Variants in WDR97 observed in about 807,000 individuals in gnomAD.
WDR97 encodes WD repeat domain 97, also known as WD repeat-containing protein 97.
A neutral mutation model predicts 65.4 loss-of-function variants in WDR97; 111 were observed. The observed-to-expected ratio is 1.70, with a 90% CI of 1.45 to 1.99. The LOEUF (loss-of-function observed/expected upper bound fraction) is 1.99. Among genes scored for constraint, WDR97 ranks in the 30% most tolerant of loss-of-function variants. The pLI, the probability that WDR97 is intolerant of heterozygous loss-of-function variation, is 0.00. For synonymous variants in WDR97, 802 were observed against 397.7 expected, an observed-to-expected ratio of 2.02 and a Z score of -12.10; for missense variants, 1,674 against 865.0, an observed-to-expected ratio of 1.94 and a Z score of -11.73.
Position 144,116,609 on chromosome 8 carries a change from G to T in WDR97, c.*316G>T. ...GCAAACGTTTTCTGCTCAAGTACTA[G>T]GTGTTGAGATGCGGGCTGACCTTAG... On this transcript the variant is annotated 3_prime_UTR_variant, in exon 24 of 24. Transcript: ENST00000323662. 3.6e-6 allele frequency: 1 copy of T among 275,438 alleles called. No homozygotes were observed. The highest frequency in any genetic ancestry group is 6.8e-6 in the Non-Finnish European group (1 of 147,864). The allele number at this position is 275,438 out of a possible 1,614,324, so 17.1% of individuals were successfully genotyped here.
Position 144,114,462 on chromosome 8 carries a change from C to T in WDR97, c.3779C>T (p.Pro1260Leu), listed in dbSNP as rs1836610968. Reference sequence around the variant, plus strand: ...GTACACTTGCTCAACCTGGACCAGCCCCCCAGCCTCCAGGTGTGCCCCTTG... The same window carrying T: ...GTACACTTGCTCAACCTGGACCAGCTCCCCAGCCTCCAGGTGTGCCCCTTG... ...LLVHLLNLDQPPSLQDQTQKK... is the reference protein window; with the variant it reads ...LLVHLLNLDQLPSLQDQTQKK... Residue 1260 changes from proline to leucine, a missense_variant, in exon 19 of 24, where the codon CCC becomes CTC. By Grantham distance (98) the Pro-to-Leu change is moderately conservative. Coordinates refer to ENST00000323662, the MANE Select transcript of WDR97 (RefSeq NM_001316309.2). The T allele has an allele frequency of 2.8e-6, 2 of 702,620 alleles. No individual in the cohort carries two copies. The highest frequency in any genetic ancestry group is 2.7e-5 in the East Asian group (1 of 37,270). 43.5% of individuals were successfully genotyped at this position (702,620 alleles called of 1,614,324 possible). A position where few individuals can be genotyped will look rare whatever the true frequency, so the allele number is the denominator to read the frequency against.
At position 144,108,684 on chromosome 8, in the gene WDR97, C is replaced by T. The variant is rs1261580823; in HGVS notation, c.618C>T (p.Pro206=). ...CGCCCACCTGCTGCCTGCCGGTTCCCGACCTCAGGCTGCTGCTCGTTGCGG... is the reference window on the plus strand; with the variant it reads ...CGCCCACCTGCTGCCTGCCGGTTCCTGACCTCAGGCTGCTGCTCGTTGCGG... ...GWAPTCCLPV[P]DLRLLLVAEM... is the part of the protein sequence containing the mutation. The change falls in exon 3 of 24, where the codon CCC becomes CCT. Residue 206 remains proline (P), a synonymous_variant. Coordinates refer to ENST00000323662, the MANE Select transcript of WDR97 (RefSeq NM_001316309.2). 1 of 700,798 alleles carries T rather than the reference C, an allele frequency of 1.4e-6. No homozygotes were observed. Among genetic ancestry groups the T allele is most frequent in the South Asian group, 1.5e-5 (1 of 67,494 alleles). 43.4% of individuals were successfully genotyped at this position (700,798 alleles called of 1,614,324 possible).
At chr8:144,107,981 TGGA>T in intron 1 of WDR97, 75 bp from the exon 2 acceptor site, 1 of 701,328 alleles carries the variant, frequency 1.4e-6, no homozygotes, top group Non-Finnish European at 2.6e-6. Context: ...GCAGGGCCCC[TGGA>T]GGAGGGCTCC....
rs1365912837 is a variant in WDR97, at chr8:144,108,175, C to T, written c.229C>T (p.Leu77Phe). Reference sequence around the variant, plus strand: ...GCTGTGGCTGCTTCTGCGCACCAGCCTCCACGAAGTCGTGGAAAAGGTGCG... The same window carrying T: ...GCTGTGGCTGCTTCTGCGCACCAGCTTCCACGAAGTCGTGGAAAAGGTGCG... ...RRLWLLLRTS[L>F]HEVVEKEKRA... The change falls in exon 2 of 24, where the codon CTC becomes TTC. Residue 77 changes from leucine to phenylalanine, a missense_variant. By Grantham distance (22) the Leu-to-Phe change is conservative (BLOSUM62 0). Transcript: ENST00000323662. The T allele has an allele frequency of 2.8e-6, 2 of 701,958 alleles. No individual in the cohort carries two copies. Among genetic ancestry groups the T allele is most frequent in the Non-Finnish European group, 5.2e-6 (2 of 384,592 alleles). 43.5% of individuals were successfully genotyped at this position (701,958 alleles called of 1,614,324 possible).
rs1423907986 is a variant in WDR97 at position 144,110,043 on chromosome 8, G to A, written c.1700+9G>A. 7.2e-6 allele frequency: 5 copies of A among 696,440 alleles called. No homozygotes were observed. The highest frequency in any genetic ancestry group is 1.7e-5 in the African/African-American group (1 of 57,164). The allele number at this position is 696,440 out of a possible 1,614,324, so 43.1% of individuals were successfully genotyped here. ...TGGAAGAACAAGAACCGGTGGGTGC[G>A]GGAGCCGGCGAGGGTCTGGCGGGCG... is the stretch of plus-strand genomic sequence containing the variant. On this transcript the variant is annotated intron_variant, in intron 5 of 23. Coordinates refer to ENST00000323662, the MANE Select transcript of WDR97 (RefSeq NM_001316309.2).
rs753388001 is a variant in WDR97 at position 144,109,994 on chromosome 8, C to T, written c.1660C>T (p.Arg554Cys). The change falls in exon 5 of 24, where the codon CGC becomes TGC. Residue 554 changes from arginine to cysteine, a missense_variant. Arg to Cys is a radical substitution (Grantham distance 180). Transcript: ENST00000323662. ...EIVRQHWGEL[R>C]CSSVACAWKN... ...CGTGCGCCAGCACTGGGGCGAGTTG[C>T]GCTGCAGCTCTGTGGCCTGCGCCTG... is the stretch of plus-strand genomic sequence containing the variant. The T allele has an allele frequency of 8.6e-6, 6 of 699,986 alleles. No individual in the cohort carries two copies. The highest frequency in any genetic ancestry group is 5.4e-5 in the East Asian group (2 of 37,220). The allele number at this position is 699,986 out of a possible 1,614,324, so 43.4% of individuals were successfully genotyped here. A position where few individuals can be genotyped will look rare whatever the true frequency, so the allele number is the denominator to read the frequency against.
chr8:144,109,265 C>T (rs1651256540), intron 4 of WDR97, 70 bp from the exon 5 acceptor site: 2 of 699,086 alleles, frequency 2.9e-6, no homozygotes, highest in African/African-American at 1.7e-5. Flanking sequence ...GGCCTTGCTG[C>T]GCTGACTGCA....
At position 144,108,448 on chromosome 8, in the gene WDR97, G is replaced by A; in HGVS notation, c.382G>A (p.Ala128Thr). 2 of 699,830 alleles carry A rather than the reference G, an allele frequency of 2.9e-6. No individual in the cohort carries two copies. The highest frequency in any genetic ancestry group is 5.2e-6 in the Non-Finnish European group (2 of 383,818). The allele number at this position is 699,830 out of a possible 1,614,324, so 43.4% of individuals were successfully genotyped here. The change falls in exon 3 of 24, where the codon GCG becomes ACG. Residue 128 changes from alanine (A) to threonine (T), a missense_variant. Transcript: ENST00000323662. ...VGGRFVVLDG[A>T]GRLHLHKEDG... ...TGGACGCTTCGTGGTGCTGGACGGC[G>A]CGGGCCGCCTGCACCTGCACAAGGA...
chr8:144,108,205 G>C lies in WDR97; in HGVS notation c.249+10G>C, dbSNP rs1048282064. ...CGAAGTCGTGGAAAAGGTGCGGTGT[G>C]CCTGTCCTGCGCCTCCTGGCCTCTT... On this transcript the variant is annotated intron_variant, in intron 2 of 23. Coordinates refer to ENST00000323662, the MANE Select transcript of WDR97 (RefSeq NM_001316309.2). 1 of 700,036 alleles carries C rather than the reference G, an allele frequency of 1.4e-6. No homozygotes were observed. The highest frequency in any genetic ancestry group is 2.6e-6 in the Non-Finnish European group (1 of 383,136). 43.4% of individuals were successfully genotyped at this position (700,036 alleles called of 1,614,324 possible). A position where few individuals can be genotyped will look rare whatever the true frequency, so the allele number is the denominator to read the frequency against.
intron 21 of WDR97, 113 bp from the exon 22 acceptor site, chr8:144,115,215 AGCCAGGGTGCTTG>A (rs1836626836): frequency 1.8e-6 from 1 of 566,286 alleles, no homozygotes. Flanking sequence ...ATGCTCGAGG[AGCCAGGGTGCTTG>A]GCCATGGGTC....
At position 144,116,432 on chromosome 8, in the gene WDR97, G is replaced by T. The variant is rs954475105; in HGVS notation, c.*139G>T. On this transcript the variant is annotated 3_prime_UTR_variant, in exon 24 of 24. Transcript: ENST00000323662. ...TGGAGGGCCCCGGGGTGCGCACGGC[G>T]TGTGGGCGTGCGGCCTGAACCCACA... 1.9e-5 allele frequency: 10 copies of T among 539,080 alleles called. No homozygotes were observed. Among genetic ancestry groups the T allele is most frequent in the South Asian group, 1.8e-4 (7 of 37,936 alleles). The allele number at this position is 539,080 out of a possible 1,614,324, so 33.4% of individuals were successfully genotyped here. A position where few individuals can be genotyped will look rare whatever the true frequency, so the allele number is the denominator to read the frequency against.
chr8:144,111,947 G>A lies in WDR97; in HGVS notation c.2698G>A (p.Glu900Lys), dbSNP rs2130081845. ...TGCCGGGACCCTCAGAGTGGAGAGA[G>A]AGACCCGGGATGTGTGTGCTGTACC... ...WSAGTLRVERETRDVCAVPQA... is the reference protein window; with the variant it reads ...WSAGTLRVERKTRDVCAVPQA... Residue 900 changes from glutamate (E) to lysine (K), a missense_variant, in exon 13 of 24, where the codon GAG becomes AAG. Transcript: ENST00000323662. The A allele has an allele frequency of 1.4e-6, 1 of 702,492 alleles. No individual in the cohort carries two copies. Among genetic ancestry groups the A allele is most frequent in the Middle Eastern group, 2.3e-4 (1 of 4,366 alleles). The allele number at this position is 702,492 out of a possible 1,614,324, so 43.5% of individuals were successfully genotyped here. A position where few individuals can be genotyped will look rare whatever the true frequency, so the allele number is the denominator to read the frequency against.
chr8:144,115,869 C>T lies in WDR97; in HGVS notation c.4595+11C>T. On this transcript the variant is annotated intron_variant, in intron 22 of 23. Transcript: ENST00000323662. ...TCCGCGGGAGCACTGGTGCGCGGGGCCTGCGCCGGCGGGGCCTGCGTGGGG... is the reference window on the plus strand; with the variant it reads ...TCCGCGGGAGCACTGGTGCGCGGGGTCTGCGCCGGCGGGGCCTGCGTGGGG... 1 of 695,074 alleles carries T rather than the reference C, an allele frequency of 1.4e-6. No individual in the cohort carries two copies. The highest frequency in any genetic ancestry group is 1.5e-5 in the South Asian group (1 of 67,014). The allele number at this position is 695,074 out of a possible 1,614,324, so 43.1% of individuals were successfully genotyped here. A position where few individuals can be genotyped will look rare whatever the true frequency, so the allele number is the denominator to read the frequency against.
chr8:144,108,956 C>A lies in WDR97; in HGVS notation c.878+12C>A, dbSNP rs1163966891. On this transcript the variant is annotated intron_variant, in intron 3 of 23. Coordinates refer to ENST00000323662, the MANE Select transcript of WDR97 (RefSeq NM_001316309.2). ...GATTTGCACAAAACGTGAGGGGGAT[C>A]CCCCTAGGGAGGGCCAGGCATGTAG... The A allele has an allele frequency of 4.3e-6, 3 of 703,004 alleles. No homozygotes were observed. The highest frequency in any genetic ancestry group is 3.5e-5 in the African/African-American group (2 of 57,392). 43.5% of individuals were successfully genotyped at this position (703,004 alleles called of 1,614,324 possible).
Position 144,111,822 on chromosome 8 carries a change from C to T in WDR97, c.2637+41C>T, listed in dbSNP as rs375876451. 21 of 695,482 alleles carry T rather than the reference C, an allele frequency of 3.0e-5. No homozygotes were observed. The African/African-American group carries it at 3.5e-4, about 12-fold the overall frequency. 43.1% of individuals were successfully genotyped at this position (695,482 alleles called of 1,614,324 possible). ...CCCCCAGCCCAGCCCTGACCCTGGC[C>T]CCTCTTCTCCACCCACCCCTCCCAC... is the stretch of plus-strand genomic sequence containing the variant. On this transcript the variant is annotated intron_variant, in intron 12 of 23. Transcript: ENST00000323662.
In WDR97 at chr8:144,110,855, C is replaced by T. The variant is rs767825559; in HGVS notation, c.2172-9C>T. ...TGCTGAGCCTCGGCTGCCCTGGGTG[C>T]CTCTCCAGGCTCCTGCAGCTGAATG... On this transcript the variant is annotated splice_polypyrimidine_tract_variant and intron_variant, in intron 8 of 23. Coordinates refer to ENST00000323662, the MANE Select transcript of WDR97 (RefSeq NM_001316309.2). 15 of 702,798 alleles carry T rather than the reference C, an allele frequency of 2.1e-5. No individual in the cohort carries two copies. Among genetic ancestry groups the T allele is most frequent in the Non-Finnish European group, 3.4e-5 (13 of 384,914 alleles). 43.5% of individuals were successfully genotyped at this position (702,798 alleles called of 1,614,324 possible).
Position 144,109,857 on chromosome 8 carries a change from T to C in WDR97, c.1523T>C (p.Met508Thr). The change falls in exon 5 of 24, where the codon ATG becomes ACG. Residue 508 changes from methionine to threonine, a missense_variant. Transcript: ENST00000323662. Reference protein sequence around the residue: ...LVRANAARCPMSVLHRVCPPP... With the variant: ...LVRANAARCPTSVLHRVCPPP... ...CGCGCCAACGCGGCGCGCTGCCCCA[T>C]GAGCGTGCTGCACCGCGTGTGCCCG... 3 of 698,214 alleles carry C rather than the reference T, an allele frequency of 4.3e-6. No homozygotes were observed. Among genetic ancestry groups the C allele is most frequent in the Non-Finnish European group, 7.8e-6 (3 of 382,594 alleles). The allele number at this position is 698,214 out of a possible 1,614,324, so 43.3% of individuals were successfully genotyped here.
In WDR97 at chr8:144,115,959, C is replaced by T. The variant is rs1378022867; in HGVS notation, c.4612C>T (p.Arg1538Trp). ...TGCCTCCAGGTACCACCCCATCCTC[C>T]GGCTGCAGGAGGCCAAGCCGCAGAG... The part of the protein sequence containing the change: ...PREHWYHPIL[R>W]LQEAKPQRSA... The change falls in exon 23 of 24, where the codon CGG becomes TGG. Residue 1538 changes from arginine to tryptophan, a missense_variant. Coordinates refer to ENST00000323662, the MANE Select transcript of WDR97 (RefSeq NM_001316309.2). 13 of 701,110 alleles carry T rather than the reference C, an allele frequency of 1.9e-5. No homozygotes were observed. The African/African-American group carries it at 1.9e-4, about 10-fold the overall frequency. 43.4% of individuals were successfully genotyped at this position (701,110 alleles called of 1,614,324 possible).
At position 144,114,936 on chromosome 8, in the gene WDR97, GC is replaced by G. The variant is rs777048133; in HGVS notation, c.4077+27del. 7.5e-6 allele frequency: 5 copies of G among 668,134 alleles called. No individual in the cohort carries two copies. The South Asian group carries it at 8.0e-5, about 11-fold the overall frequency. 41.4% of individuals were successfully genotyped at this position (668,134 alleles called of 1,614,324 possible). A position where few individuals can be genotyped will look rare whatever the true frequency, so the allele number is the denominator to read the frequency against. On this transcript the variant is annotated intron_variant, in intron 21 of 23. Transcript: ENST00000323662. The stretch of plus-strand genomic sequence containing the variant: ...GGTTGGGCCGGCAGGGGCCGGGGGG[GC>G]CTTGGGAACCCTGTTGCCTTCTCTG...
Sources: gnomAD v4.1 joint callset for allele counts on GRCh38, gnomAD v4.1.1 for gene constraint, MANE v1.5 for transcripts, NCBI Gene and HGNC (gene_info 2026-07-23, HGNC 2026-07-21) for gene names.